The following ITPR2 variants were observed in gnomAD, a reference collection of about 807,000 sequenced individuals.
The protein encoded by ITPR2 is inositol 1,4,5-trisphosphate receptor type 2.
A neutral mutation model predicts 317.1 loss-of-function variants in ITPR2; 207 were observed. The ratio of observed to expected loss-of-function variants is 0.65; its 90% confidence interval spans 0.58 to 0.73. The LOEUF is 0.73. Ranked by LOEUF, ITPR2 falls within the 30% of genes least tolerant of loss-of-function variation. ITPR2 has a pLI of 0.00. For missense variants in ITPR2, 2,613 were observed against 3,284.0 expected (o/e 0.80, Z 4.99); for synonymous variants, 1,156 against 1,149.1 (o/e 1.01, Z -0.12).
intron 22 of ITPR2, chr12:26,630,847 T>A (rs764933433): frequency 1.3e-5 from 2 of 152,110 alleles, no homozygotes; most frequent in Non-Finnish European, 2.9e-5. Flanking sequence ...GGTCCATGGG[T>A]CAGGTGATCG....
intron 46 of ITPR2, among the ~76,000 whole-genome samples, chr12:26,442,552 A>G (rs531733709): frequency 6.6e-6 from 1 of 152,218 alleles, no homozygotes; most frequent in South Asian, 2.1e-4. Context: ...CTAGCTTTGT[A>G]CTTTGACTTC....
At chr12:26,631,779 C>T (rs1349282856) in intron 22 of ITPR2, 87 bp downstream of exon 22, 38 of 1,131,788 alleles carry the variant, frequency 3.4e-5, no homozygotes, top group Non-Finnish European at 4.7e-5. Context: ...AGAATATTTA[C>T]ACAGTGATTT....
Position 26,730,559 on chromosome 12 carries a change from T to G in ITPR2, c.164-4794A>C, listed in dbSNP as rs539098147. On this transcript the variant is annotated intron_variant, in intron 2 of 56. Transcript: ENST00000381340. ...AAAGGAAGTTATTTTTGTTTAATTT[T>G]TTTAAAAGCTTAACCTTAAGACCTG... Among the ~76,000 whole-genome samples, 8 of 152,358 alleles carry G rather than the reference T, an allele frequency of 5.3e-5. No homozygotes were observed. The East Asian group carries it at 9.6e-4, about 18-fold the overall frequency.
At chr12:26,797,673 T>A (rs1027344255) in intron 1 of ITPR2, among the ~76,000 whole-genome samples, 1 of 145,108 alleles carries the variant, frequency 6.9e-6, no homozygotes, top group African/African-American at 2.5e-5. Flanking sequence ...ATAAGCATCA[T>A]GGAATTGTCT....
intron 26 of ITPR2, among the ~76,000 whole-genome samples, chr12:26,608,224 CA>C (rs1946182907): frequency 2.0e-5 from 3 of 152,164 alleles, no homozygotes; most frequent in Admixed American, 2.0e-4. Context: ...GTACAAAACC[CA>C]AATCTCCTTT....
At chr12:26,679,103 T>C (rs1285668197) in intron 13 of ITPR2, among the ~76,000 whole-genome samples, 1 of 152,200 alleles carries the variant, frequency 6.6e-6, no homozygotes, top group African/African-American at 2.4e-5. Flanking sequence ...CTGCCATAAT[T>C]TAGCTCTGAT....
In ITPR2 at chr12:26,439,305, A is replaced by G; in HGVS notation, c.6465T>C (p.Asp2155=). 3 of 1,604,080 alleles carry G rather than the reference A, an allele frequency of 1.9e-6. No individual in the cohort carries two copies. The highest frequency in any genetic ancestry group is 2.6e-6 in the Non-Finnish European group (3 of 1,175,704). Residue 2155 remains aspartate (D), a synonymous_variant, in exon 47 of 57, where the codon GAT becomes GAC. Coordinates refer to ENST00000381340, the MANE Select transcript of ITPR2 (RefSeq NM_002223.4). Reference sequence around the variant, plus strand: ...GAAAAACTATTTGTTCCATGGTCCTATCATGCCGGACAATCTGAAAACATT... The same window carrying G: ...GAAAAACTATTTGTTCCATGGTCCTGTCATGCCGGACAATCTGAAAACATT... ...HTAQIEIVRH[D]RTMEQIVFPV...
At chr12:26,358,201 A>G (rs1189858006) in intron 55 of ITPR2, among the ~76,000 whole-genome samples, 1 of 1,452 alleles carries the variant, frequency 6.9e-4, no homozygotes, top group African/African-American at 7.3e-4. Flanking sequence ...CCTGGCTAAC[A>G]CGGTGAAACC....
chr12:26,769,347 AC>A (rs1949799328), intron 2 of ITPR2, among the ~76,000 whole-genome samples: 1 of 152,174 alleles, frequency 6.6e-6, no homozygotes, highest in Admixed American at 6.5e-5. Context: ...TGCTGTATTT[AC>A]CTTGAAAACC....
intron 5 of ITPR2, among the ~76,000 whole-genome samples, chr12:26,720,640 T>C (rs1948821418): frequency 6.6e-6 from 1 of 152,310 alleles, no homozygotes; most frequent in Non-Finnish European, 1.5e-5. Context: ...CAAAAAGCAG[T>C]GTGGAAAGTT....
intron 23 of ITPR2, among the ~76,000 whole-genome samples, chr12:26,626,753 A>T (rs747043729): frequency 2.0e-5 from 3 of 152,270 alleles, no homozygotes; most frequent in Non-Finnish European, 4.4e-5. Context: ...TTTTAACTAC[A>T]TGCTTGTAAT....
At chr12:26,399,177 T>G in intron 53 of ITPR2, 136 bp from the exon 54 acceptor site, 1 of 615,264 alleles carries the variant, frequency 1.6e-6, no homozygotes, top group Non-Finnish European at 2.5e-6. Context: ...AGGCTCACTT[T>G]CCATCTCTAC....
chr12:26,692,689 A>T (rs1486869439), intron 10 of ITPR2, among the ~76,000 whole-genome samples: 3 of 152,180 alleles, frequency 2.0e-5, no homozygotes, highest in African/African-American at 7.2e-5. Flanking sequence ...TTGTGTCTTA[A>T]TGGGAGCTCT....
chr12:26,348,885 T>G (rs896163871), intron 55 of ITPR2, among the ~76,000 whole-genome samples: 1 of 151,320 alleles, frequency 6.6e-6, no homozygotes, highest in Non-Finnish European at 1.5e-5. Context: ...TTGGTCAACA[T>G]ACCAAGACCT....
At chr12:26,545,170 T>G (rs1295108365) in intron 37 of ITPR2, among the ~76,000 whole-genome samples, 3 of 152,192 alleles carry the variant, frequency 2.0e-5, no homozygotes, top group Non-Finnish European at 2.9e-5. Flanking sequence ...AAGATGCACA[T>G]GTCCTCATGA....
intron 35 of ITPR2, 134 bp from the exon 36 acceptor site, chr12:26,556,509 G>A (rs373971848): frequency 1.2e-6 from 1 of 832,818 alleles, no homozygotes; most frequent in Non-Finnish European, 1.8e-6. Flanking sequence ...AAATGTCTGT[G>A]CCATAATTAT....
rs143588852 is a variant in ITPR2 at position 26,513,179 on chromosome 12, C to T, written c.5074-17919G>A. Among the ~76,000 whole-genome samples, 150 of 152,172 alleles carry T rather than the reference C, an allele frequency of 9.9e-4. 1 individual carries two copies. Among genetic ancestry groups the T allele is most frequent in the African/African-American group, 3.4e-3 (141 of 41,520 alleles). ...TAACTCTAAAGCATATGAGCAGATA[C>T]CTTACTATAAGACACTCTGCAGTTA... On this transcript the variant is annotated intron_variant, in intron 37 of 56. Coordinates refer to ENST00000381340, the MANE Select transcript of ITPR2 (RefSeq NM_002223.4).
At chr12:26,701,790 TAA>T (rs573765186) in intron 9 of ITPR2, among the ~76,000 whole-genome samples, 3 of 152,336 alleles carry the variant, frequency 2.0e-5, no homozygotes, top group South Asian at 4.1e-4. Context: ...AGTCAGGAAA[TAA>T]GTGTTTACTG....
chr12:26,711,294 G>A lies in ITPR2; in HGVS notation c.856-26C>T, dbSNP rs933254728. 5 of 1,488,436 alleles carry A rather than the reference G, an allele frequency of 3.4e-6. No homozygotes were observed. The African/African-American group carries it at 5.5e-5, about 16-fold the overall frequency. 92.2% of individuals were successfully genotyped at this position (1,488,436 alleles called of 1,614,324 possible). A position where few individuals can be genotyped will look rare whatever the true frequency, so the allele number is the denominator to read the frequency against. Reference sequence around the variant, plus strand: ...CTACAAAGAGAGCAACGATAGTAATGGCAAAACAATATTTATGTTCCTGGC... The same window carrying A: ...CTACAAAGAGAGCAACGATAGTAATAGCAAAACAATATTTATGTTCCTGGC... On this transcript the variant is annotated intron_variant, in intron 8 of 56. Transcript: ENST00000381340.
Sources: gnomAD v4.1 joint callset for allele counts (sites outside exome capture counted in the v4.1 genomes callset) on GRCh38, gnomAD v4.1.1 for gene constraint, MANE v1.5 for transcripts, NCBI Gene and HGNC (gene_info 2026-07-23, HGNC 2026-07-21) for gene names.